The following RBFOX1 variants were observed in gnomAD, a reference collection of about 807,000 sequenced individuals.
RBFOX1 encodes RNA binding protein fox-1 homolog 1.
Under a neutral mutation model 57.7 loss-of-function variants are expected in RBFOX1, and 8 were observed. The observed-to-expected ratio is 0.14, with a 90% CI of 0.08 to 0.25. The LOEUF (loss-of-function observed/expected upper bound fraction) is 0.25, where lower values mean the gene tolerates loss of function less well. Ranked by LOEUF, RBFOX1 falls within the 10% of genes least tolerant of loss-of-function variation. The pLI is 1.00. For synonymous variants in RBFOX1, 326 were observed against 222.4 expected, an observed-to-expected ratio of 1.47 and a Z score of -4.15; for missense variants, 611 against 548.5, an observed-to-expected ratio of 1.11 and a Z score of -1.14.
intron 4 of RBFOX1, among the ~76,000 whole-genome samples, chr16:7,401,785 C>A (rs1482518550): frequency 1.3e-5 from 2 of 152,160 alleles, no homozygotes; most frequent in Non-Finnish European, 2.9e-5. Context: ...CAGGAGATGT[C>A]ATAGGCCCAG....
chr16:6,799,096 G>T (rs2084758443), intron 3 of RBFOX1, among the ~76,000 whole-genome samples: 1 of 152,006 alleles, frequency 6.6e-6, no homozygotes, highest in Non-Finnish European at 1.5e-5. Flanking sequence ...GATGGGGTAC[G>T]GTGACTAGCT....
At chr16:6,421,692 A>G (rs1033184527) in intron 2 of RBFOX1, among the ~76,000 whole-genome samples, 1 of 152,200 alleles carries the variant, frequency 6.6e-6, no homozygotes, top group Non-Finnish European at 1.5e-5. Context: ...CACACAAAAA[A>G]TGATCGGGAT....
chr16:6,768,629 C>T (rs944396535), intron 3 of RBFOX1, among the ~76,000 whole-genome samples: 1 of 151,414 alleles, frequency 6.6e-6, no homozygotes, highest in Non-Finnish European at 1.5e-5. Context: ...GTTTAAATAT[C>T]GCCTACCTGT....
At chr16:7,022,165 A>G (rs1247887746) in intron 3 of RBFOX1, among the ~76,000 whole-genome samples, 2 of 148,518 alleles carry the variant, frequency 1.3e-5, no homozygotes, top group African/African-American at 5.0e-5. Context: ...TGGGTTATAA[A>G]TGATCCTCCC....
intron 14 of RBFOX1, among the ~76,000 whole-genome samples, chr16:7,688,089 T>C (rs540778535): frequency 2.6e-5 from 4 of 152,112 alleles, no homozygotes; most frequent in African/African-American, 9.6e-5. Context: ...ACAACAGATA[T>C]CCCAATACGT....
chr16:5,473,071 G>A (rs931339649), intron 2 of RBFOX1, among the ~76,000 whole-genome samples: 3 of 152,158 alleles, frequency 2.0e-5, no homozygotes, highest in East Asian at 1.9e-4. Context: ...CCCTCCTCCC[G>A]AGGAGACTTT....
chr16:5,908,195 T>TAC (rs1555443845), intron 4 of RBFOX1, among the ~76,000 whole-genome samples: 3 of 124,810 alleles, frequency 2.4e-5, no homozygotes, highest in African/African-American at 6.7e-5. Context: ...TACACATATA[T>TAC]ACATATACAC....
Position 7,607,316 on chromosome 16 carries a change from C to A in RBFOX1, c.654C>A (p.Val218=). The part of the protein sequence containing the change: ...GWKLNPVVGA[V]YSPEFYAGTV... ...AATTGAATCCAGTTGTGGGTGCAGTCTACAGTCCCGAATTCTATGCAGGTA... is the reference window on the plus strand; with the variant it reads ...AATTGAATCCAGTTGTGGGTGCAGTATACAGTCCCGAATTCTATGCAGGTA... Residue 218 remains valine, a synonymous_variant, in exon 10 of 16, where the codon GTC becomes GTA. Transcript: ENST00000550418. The A allele has an allele frequency of 1.2e-6, 2 of 1,611,032 alleles. No homozygotes were observed. Among genetic ancestry groups the A allele is most frequent in the Non-Finnish European group, 1.7e-6 (2 of 1,179,246 alleles).
intron 3 of RBFOX1, among the ~76,000 whole-genome samples, chr16:5,736,420 C>G (rs566732038): frequency 6.6e-6 from 1 of 152,134 alleles, no homozygotes; most frequent in African/African-American, 2.4e-5. Flanking sequence ...AGGTGTGATT[C>G]AGCCACCCAC....
chr16:5,624,468 A>G (rs969172581), intron 3 of RBFOX1, among the ~76,000 whole-genome samples: 1 of 152,216 alleles, frequency 6.6e-6, no homozygotes, highest in African/African-American at 2.4e-5. Flanking sequence ...AAGTTCTGGG[A>G]TCACAGGCGT....
intron 5 of RBFOX1, among the ~76,000 whole-genome samples, chr16:7,522,422 G>A (rs949779248): frequency 7.2e-5 from 11 of 152,172 alleles, no homozygotes; most frequent in African/African-American, 2.7e-4. Flanking sequence ...GGTATAAACT[G>A]AGAAGACATT....
intron 1 of RBFOX1, among the ~76,000 whole-genome samples, chr16:6,221,942 T>G (rs2152881414): frequency 6.6e-6 from 1 of 152,286 alleles, no homozygotes; most frequent in South Asian, 2.1e-4. Context: ...AACCAATATA[T>G]GAGAATTGAT....
At chr16:7,343,431 TG>T (rs2096935295) in intron 4 of RBFOX1, among the ~76,000 whole-genome samples, 1 of 152,118 alleles carries the variant, frequency 6.6e-6, no homozygotes, top group Non-Finnish European at 1.5e-5. Context: ...CAGTGGGATT[TG>T]GGAGCTGGTA....
At chr16:7,141,733 C>T (rs2073842015) in intron 4 of RBFOX1, among the ~76,000 whole-genome samples, 2 of 152,112 alleles carry the variant, frequency 1.3e-5, no homozygotes, top group African/African-American at 4.8e-5. Context: ...ATCATCCTAT[C>T]CACCAGTAAG....
At chr16:6,027,281 G>A (rs1469484246) in intron 1 of RBFOX1, among the ~76,000 whole-genome samples, 1 of 152,242 alleles carries the variant, frequency 6.6e-6, no homozygotes, top group African/African-American at 2.4e-5. Context: ...ACAGATGAAG[G>A]AACTGAGGCC....
intron 4 of RBFOX1, among the ~76,000 whole-genome samples, chr16:7,130,354 A>C (rs1171497920): frequency 6.6e-6 from 1 of 152,054 alleles, no homozygotes; most frequent in African/African-American, 2.4e-5. Context: ...GATTATTTTT[A>C]AGCCAGCTGA....
rs923656741 is a variant in RBFOX1 at position 6,656,182 on chromosome 16, C to G, written c.-16+1532C>G. 3.3e-5 allele frequency among the ~76,000 whole-genome samples: 5 copies of G among 152,136 alleles called. No homozygotes were observed. The East Asian group carries it at 9.6e-4, about 29-fold the overall frequency. ...CCAAAGTCTTCTACCAATGTTCTGC[C>G]CAGCCGAATCATTCCGCTCATGTCA... On this transcript the variant is annotated intron_variant, in intron 3 of 15. Transcript: ENST00000550418.
chr16:6,549,576 A>G (rs77213037), intron 2 of RBFOX1, among the ~76,000 whole-genome samples: 2,302 of 146,410 alleles, frequency 0.016, 61 homozygotes, highest in African/African-American at 0.054. Context: ...GAAGGGAGGA[A>G]GGAGGAGGAA....
chr16:6,710,938 A>G (rs1430211872), intron 3 of RBFOX1, among the ~76,000 whole-genome samples: 1 of 152,206 alleles, frequency 6.6e-6, no homozygotes, highest in Non-Finnish European at 1.5e-5. Context: ...GGGCAAATCC[A>G]TGAAGGCTAC....
Sources: gnomAD v4.1 joint callset for allele counts (sites outside exome capture counted in the v4.1 genomes callset) on GRCh38, gnomAD v4.1.1 for gene constraint, MANE v1.5 for transcripts, NCBI Gene and HGNC (gene_info 2026-07-23, HGNC 2026-07-21) for gene names.